The following DCC variants were observed in gnomAD, a reference collection of about 807,000 sequenced individuals.
DCC encodes the protein DCC netrin 1 receptor.
Under a neutral mutation model 172.5 loss-of-function variants are expected in DCC, and 58 were observed. The observed-to-expected ratio is 0.34, with a 90% confidence interval of 0.27 to 0.42. DCC has a LOEUF of 0.42. Among genes scored for constraint, DCC ranks in the 10% least tolerant of loss-of-function variants. The pLI is 1.00. For missense variants in DCC, 1,740 were observed against 1,791.0 expected (o/e 0.97, Z 0.51); for synonymous variants, 709 against 644.5 (o/e 1.10, Z -1.52).
chr18:53,013,955 G>T (rs537684483), intron 5 of DCC, among the ~76,000 whole-genome samples: 2 of 152,146 alleles, frequency 1.3e-5, no homozygotes, highest in Non-Finnish European at 2.9e-5. Flanking sequence ...ACATGGTGAA[G>T]ACTGTACCAT....
rs981499528 is a variant in DCC, at chr18:53,003,185, C to T, written c.986-60120C>T. On this transcript the variant is annotated intron_variant, in intron 5 of 28. Coordinates refer to ENST00000442544, the MANE Select transcript of DCC (RefSeq NM_005215.4). The stretch of plus-strand genomic sequence containing the variant: ...TCCAGTGTCTCTTCTTCCATTTCCT[C>T]AGCAACTTGGCTTCTCAATGGTCAG... Among the ~76,000 whole-genome samples, 4 of 151,780 alleles carry T rather than the reference C, an allele frequency of 2.6e-5. 1 individual carries two copies. Among genetic ancestry groups the T allele is most frequent in the African/African-American group, 9.7e-5 (4 of 41,384 alleles).
At chr18:52,921,866 G>A (rs561063037) in intron 3 of DCC, among the ~76,000 whole-genome samples, 3 of 151,756 alleles carry the variant, frequency 2.0e-5, no homozygotes, top group South Asian at 2.1e-4. Flanking sequence ...ATTGTAGAAC[G>A]GTATTGTATA....
chr18:52,938,083 C>G (rs2040406960), intron 5 of DCC, among the ~76,000 whole-genome samples: 1 of 152,110 alleles, frequency 6.6e-6, no homozygotes, highest in South Asian at 2.1e-4. Context: ...TTATGACACG[C>G]ATTCTCCGTG....
chr18:52,375,092 T>C (rs1297674009), intron 1 of DCC, among the ~76,000 whole-genome samples: 1 of 152,230 alleles, frequency 6.6e-6, no homozygotes, highest in Admixed American at 6.5e-5. Flanking sequence ...CCCTTTGTGG[T>C]ACGTGGTTGC....
chr18:52,995,557 C>A (rs2145630047), intron 5 of DCC, among the ~76,000 whole-genome samples: 1 of 151,994 alleles, frequency 6.6e-6, no homozygotes, highest in Non-Finnish European at 1.5e-5. Context: ...TGGCTCTTCC[C>A]CTTCCATTCC....
intron 1 of DCC, among the ~76,000 whole-genome samples, chr18:52,410,971 A>G (rs965626018): frequency 1.3e-5 from 2 of 152,168 alleles, no homozygotes; most frequent in African/African-American, 4.8e-5. Flanking sequence ...AACTATTTAC[A>G]TTGTAATATG....
At chr18:52,607,145 C>T (rs915081223) in intron 1 of DCC, among the ~76,000 whole-genome samples, 2 of 152,118 alleles carry the variant, frequency 1.3e-5, no homozygotes, top group Admixed American at 6.6e-5. Context: ...TCGTCACTAA[C>T]AGAGGCTCTA....
At chr18:53,198,983 A>C (rs1168346553) in intron 9 of DCC, among the ~76,000 whole-genome samples, 1 of 152,172 alleles carries the variant, frequency 6.6e-6, no homozygotes, top group Admixed American at 6.5e-5. Context: ...AAGTTCCTTG[A>C]CTGACATACT....
At chr18:52,475,455 A>G (rs1450503544) in intron 1 of DCC, among the ~76,000 whole-genome samples, 1 of 152,116 alleles carries the variant, frequency 6.6e-6, no homozygotes, top group Non-Finnish European at 1.5e-5. Context: ...TTGGCCCGTA[A>G]TTACTTTTAT....
intron 25 of DCC, among the ~76,000 whole-genome samples, chr18:53,484,132 C>T (rs1045583217): frequency 3.3e-5 from 5 of 151,692 alleles, no homozygotes; most frequent in African/African-American, 1.2e-4. Flanking sequence ...ACTTCTTATT[C>T]TGTTATTTTT....
chr18:52,547,806 A>G (rs1257518174), intron 1 of DCC, among the ~76,000 whole-genome samples: 1 of 152,130 alleles, frequency 6.6e-6, no homozygotes, highest in Non-Finnish European at 1.5e-5. Flanking sequence ...AATCATCGGG[A>G]CACATTTTTG....
chr18:52,709,994 G>A (rs1267347255), intron 1 of DCC, among the ~76,000 whole-genome samples: 1 of 152,156 alleles, frequency 6.6e-6, no homozygotes, highest in Non-Finnish European at 1.5e-5. Context: ...TCAGACCCTG[G>A]TGGTGGGATT....
intron 1 of DCC, among the ~76,000 whole-genome samples, chr18:52,591,788 T>TTTA (rs560843825): frequency 2.9e-5 from 2 of 69,888 alleles, no homozygotes; most frequent in African/African-American, 9.8e-5. Context: ...TATTTATTTC[T>TTTA]TTTTTTTTTT....
At position 52,804,235 on chromosome 18, in the gene DCC, T is replaced by C. The variant is rs540300418; in HGVS notation, c.412+51861T>C. On this transcript the variant is annotated intron_variant, in intron 2 of 28. Coordinates refer to ENST00000442544, the MANE Select transcript of DCC (RefSeq NM_005215.4). The stretch of plus-strand genomic sequence containing the variant: ...TAAACACTTTACATTCTTCATCTTA[T>C]TTAGTGTATACAACTTTAGTTCTCA... Among the ~76,000 whole-genome samples, 50 of 106,604 alleles carry C rather than the reference T, an allele frequency of 4.7e-4. 1 individual carries two copies. The highest frequency in any genetic ancestry group is 8.2e-4 in the Non-Finnish European group (40 of 48,494). The allele number at this position is 106,604 out of a possible 152,430, so 69.9% of individuals were successfully genotyped here.
chr18:53,138,313 C>T (rs139364433), intron 7 of DCC, among the ~76,000 whole-genome samples: 4 of 152,090 alleles, frequency 2.6e-5, no homozygotes, highest in African/African-American at 9.7e-5. Flanking sequence ...CTATAATTTG[C>T]AAAATGAATC....
intron 2 of DCC, among the ~76,000 whole-genome samples, chr18:52,905,478 A>G (rs1317976570): frequency 6.6e-6 from 1 of 152,188 alleles, no homozygotes; most frequent in Non-Finnish European, 1.5e-5. Flanking sequence ...GTGGATGAAC[A>G]TTTACCTTAA....
At chr18:52,496,110 C>A (rs1230096580) in intron 1 of DCC, among the ~76,000 whole-genome samples, 1 of 152,102 alleles carries the variant, frequency 6.6e-6, no homozygotes. Flanking sequence ...TATTACTTAT[C>A]CTGATTACAA....
At chr18:52,671,407 G>T (rs898520867) in intron 1 of DCC, among the ~76,000 whole-genome samples, 1 of 151,912 alleles carries the variant, frequency 6.6e-6, no homozygotes, top group African/African-American at 2.4e-5. Context: ...TCTGCCAAGT[G>T]ACACTTTTTG....
chr18:52,783,507 A>G (rs375567685), intron 2 of DCC, among the ~76,000 whole-genome samples: 3 of 151,678 alleles, frequency 2.0e-5, no homozygotes, highest in African/African-American at 7.3e-5. Context: ...AAAGTAAGTT[A>G]TGTCCATGAT....
Sources: gnomAD v4.1 joint callset for allele counts (sites outside exome capture counted in the v4.1 genomes callset) on GRCh38, gnomAD v4.1.1 for gene constraint, MANE v1.5 for transcripts, NCBI Gene and HGNC (gene_info 2026-07-23, HGNC 2026-07-21) for gene names.